SGIP1: variants seen among roughly 807,000 people sequenced by gnomAD.
The protein encoded by SGIP1 is SH3GL interacting endocytic adaptor 1, also known as SH3-containing GRB2-like protein 3-interacting protein 1.
A neutral mutation model predicts 107.5 loss-of-function variants in SGIP1; 38 were observed. The ratio of observed to expected loss-of-function variants is 0.35; its 90% CI spans 0.27 to 0.46. The LOEUF (loss-of-function observed/expected upper bound fraction) is 0.46. Ranked by LOEUF, SGIP1 falls within the 20% of genes least tolerant of loss-of-function variation. The pLI, the probability that SGIP1 is intolerant of heterozygous loss-of-function variation, is 1.00. For missense variants in SGIP1, 929 were observed against 1,019.5 expected (o/e 0.91, Z 1.21); for synonymous variants, 365 against 366.1 (o/e 1.00, Z 0.03).
intron 8 of SGIP1, among the ~76,000 whole-genome samples, chr1:66,664,142 T>C (rs2082068200): frequency 6.6e-6 from 1 of 152,158 alleles, no homozygotes; most frequent in South Asian, 2.1e-4. Context: ...TAAAGAATAA[T>C]AAAGTCTAAA....
chr1:66,586,503 CT>C (rs1251364503), intron 1 of SGIP1, among the ~76,000 whole-genome samples: 1 of 152,062 alleles, frequency 6.6e-6, no homozygotes, highest in Non-Finnish European at 1.5e-5. Flanking sequence ...AGTGGCTGCT[CT>C]AGATATTACA....
rs1362856217 is a variant in SGIP1 at position 66,749,653 on chromosome 1, C to T, written c.*6558C>T. On this transcript the variant is annotated 3_prime_UTR_variant, in exon 25 of 25. Transcript: ENST00000371037. ...GAGTTTGTGAATCAGCCTGATAGAT[C>T]ATAAGCCATTTATAATTTTTAAACG... Among the ~76,000 whole-genome samples, 1 of 151,978 alleles carries T rather than the reference C, an allele frequency of 6.6e-6. No homozygotes were observed. The highest frequency in any genetic ancestry group is 2.4e-5 in the African/African-American group (1 of 41,400).
chr1:66,539,400 G>A (rs1398352212), intron 1 of SGIP1, among the ~76,000 whole-genome samples: 1 of 152,124 alleles, frequency 6.6e-6, no homozygotes, highest in Non-Finnish European at 1.5e-5. Flanking sequence ...ATTTAGACTT[G>A]GGAAGCGATG....
Position 66,560,663 on chromosome 1 carries a change from T to A in SGIP1, c.10+26295T>A, listed in dbSNP as rs187728529. ...CCTATAACAAGAGATGCATTGAGTG[T>A]AACTTTTTCCTCATTTACTAATAAA... On this transcript the variant is annotated intron_variant, in intron 1 of 24. Transcript: ENST00000371037. 2.3e-3 allele frequency among the ~76,000 whole-genome samples: 346 copies of A among 152,206 alleles called. 1 individual carries two copies. Among genetic ancestry groups the A allele is most frequent in the African/African-American group, 8.2e-3 (341 of 41,552 alleles).
intron 11 of SGIP1, among the ~76,000 whole-genome samples, chr1:66,672,713 A>T (rs1478466590): frequency 6.6e-6 from 1 of 152,098 alleles, no homozygotes; most frequent in Non-Finnish European, 1.5e-5. Flanking sequence ...TTAACTTATT[A>T]TCCTCCTGTT....
intron 1 of SGIP1, among the ~76,000 whole-genome samples, chr1:66,560,905 C>T (rs1319767362): frequency 6.6e-6 from 1 of 151,982 alleles, no homozygotes; most frequent in Non-Finnish European, 1.5e-5. Flanking sequence ...GAATGTTAAG[C>T]GTGCATATAA....
chr1:66,650,560 CT>C (rs1208639511), intron 7 of SGIP1, among the ~76,000 whole-genome samples: 1 of 152,134 alleles, frequency 6.6e-6, no homozygotes, highest in African/African-American at 2.4e-5. Context: ...CACATTCCCC[CT>C]GGCCTCCATT....
chr1:66,658,905 T>A (rs1414210673), intron 7 of SGIP1, among the ~76,000 whole-genome samples: 1 of 152,120 alleles, frequency 6.6e-6, no homozygotes, highest in East Asian at 1.9e-4. Context: ...GTTACTGACC[T>A]TGAAGAATGA....
At chr1:66,708,193 A>G (rs1473175617) in intron 18 of SGIP1, among the ~76,000 whole-genome samples, 1 of 152,196 alleles carries the variant, frequency 6.6e-6, no homozygotes, top group Non-Finnish European at 1.5e-5. Flanking sequence ...AATTTCACTA[A>G]GGTTTAATTT....
At chr1:66,600,152 A>G (rs2065496771) in intron 1 of SGIP1, among the ~76,000 whole-genome samples, 1 of 152,196 alleles carries the variant, frequency 6.6e-6, no homozygotes, top group African/African-American at 2.4e-5. Context: ...AGCACGTTAA[A>G]CAGTCAGCCT....
At chr1:66,556,355 T>C (rs1571270105) in intron 1 of SGIP1, among the ~76,000 whole-genome samples, 1 of 152,268 alleles carries the variant, frequency 6.6e-6, no homozygotes, top group Middle Eastern at 3.4e-3. Context: ...ATGTGCCTTC[T>C]TTAAGGAAGC....
intron 7 of SGIP1, among the ~76,000 whole-genome samples, chr1:66,649,555 A>T (rs2078321745): frequency 6.6e-6 from 1 of 152,196 alleles, no homozygotes; most frequent in Non-Finnish European, 1.5e-5. Context: ...TGCAACACGA[A>T]CAGTTCTGTG....
At chr1:66,582,863 A>G (rs2062012745) in intron 1 of SGIP1, among the ~76,000 whole-genome samples, 1 of 151,846 alleles carries the variant, frequency 6.6e-6, no homozygotes, top group African/African-American at 2.4e-5. Context: ...AAATCCTTAG[A>G]TCTTTGTTTA....
Position 66,715,265 on chromosome 1 carries a change from A to C in SGIP1, c.1631-4029A>C, listed in dbSNP as rs903037697. Among the ~76,000 whole-genome samples the C allele has an allele frequency of 3.3e-5, 5 of 152,296 alleles. No individual in the cohort carries two copies. The South Asian group carries it at 1.0e-3, about 32-fold the overall frequency. On this transcript the variant is annotated intron_variant, in intron 18 of 24. Transcript: ENST00000371037. ...AGCAATAAGGAATATTGTAAGTGGGAAAAAGTAAAACACAAAATGGCATAT... is the reference window on the plus strand; with the variant it reads ...AGCAATAAGGAATATTGTAAGTGGGCAAAAGTAAAACACAAAATGGCATAT...
In SGIP1 at chr1:66,690,291, G is replaced by C. The variant is rs1374998940; in HGVS notation, c.1545G>C (p.Leu515Phe). 7 of 1,613,968 alleles carry C rather than the reference G, an allele frequency of 4.3e-6. No homozygotes were observed. In the African/African-American group the frequency reaches 5.3e-5, roughly 12 times the overall value. The change falls in exon 17 of 25, where the codon TTG becomes TTC. Residue 515 changes from leucine to phenylalanine, a missense_variant. By Grantham distance (22) the Leu-to-Phe change is conservative. This residue lies in a region of SGIP1 where 341 missense variants were observed against 430.9 expected (regional missense o/e 0.79). Transcript: ENST00000371037. Reference sequence around the variant, plus strand: ...CTTCAATATCGTCAACCAATTCCTTGAGCGCAGCCACCACTCCCACAGTTG... The same window carrying C: ...CTTCAATATCGTCAACCAATTCCTTCAGCGCAGCCACCACTCCCACAGTTG... ...STSSISSTNS[L>F]SAATTPTVEN... is the part of the protein sequence containing the mutation.
At chr1:66,624,392 G>A (rs114322923) in intron 1 of SGIP1, among the ~76,000 whole-genome samples, 1,934 of 152,308 alleles carry the variant, frequency 0.013, 44 homozygotes, top group African/African-American at 0.044. Flanking sequence ...AGTTTTAAAT[G>A]TCAATACATT....
chr1:66,563,484 G>C (rs1175851373), intron 1 of SGIP1, among the ~76,000 whole-genome samples: 1 of 151,988 alleles, frequency 6.6e-6, no homozygotes, highest in Non-Finnish European at 1.5e-5. Context: ...ACAACTACCA[G>C]ATCTCCTGAC....
At chr1:66,677,132 T>A (rs1306666161) in intron 13 of SGIP1, 36 bp downstream of exon 13, 2 of 1,548,036 alleles carry the variant, frequency 1.3e-6, no homozygotes, top group Non-Finnish European at 1.8e-6. Context: ...GAAAAATAAG[T>A]GACTCATTTT....
intron 1 of SGIP1, among the ~76,000 whole-genome samples, chr1:66,599,984 G>C (rs1414041899): frequency 6.6e-6 from 1 of 152,136 alleles, no homozygotes; most frequent in East Asian, 1.9e-4. Context: ...GGGGCGGGCA[G>C]TATTAAAACC....
Sources: allele counts gnomAD v4.1 joint callset (sites outside exome capture counted in the v4.1 genomes callset), GRCh38; gene constraint gnomAD v4.1.1; regional missense constraint gnomAD v4.1.1; transcripts MANE v1.5; gene names NCBI Gene and HGNC (gene_info 2026-07-23, HGNC 2026-07-21).